RSRC1: variants seen among roughly 807,000 people sequenced by gnomAD.
RSRC1 encodes the protein arginine and serine rich coiled-coil 1.
In RSRC1, 39 loss-of-function variants were observed where a neutral mutation model predicts 49.1. The observed-to-expected ratio is 0.79, with a 90% CI of 0.61 to 1.04. The LOEUF (loss-of-function observed/expected upper bound fraction) is 1.04, where lower values mean the gene tolerates loss of function less well. Ranked by LOEUF, RSRC1 falls within the 50% of genes least tolerant of loss-of-function variation. The probability of loss-of-function intolerance (pLI) is 0.00; values close to 1 mark genes in which losing one functional copy is unlikely to be tolerated. For synonymous variants in RSRC1, 143 were observed against 130.8 expected (o/e 1.09, Z -0.63); for missense variants, 388 against 402.4 (o/e 0.96, Z 0.31).
At chr3:158,134,597 T>C (rs145173401) in intron 3 of RSRC1, among the ~76,000 whole-genome samples, 1 of 152,340 alleles carries the variant, frequency 6.6e-6, no homozygotes, top group African/African-American at 2.4e-5. Flanking sequence ...GGCTGTTATA[T>C]ACTGAATATT....
chr3:158,366,713 G>A (rs1435933505), intron 6 of RSRC1, among the ~76,000 whole-genome samples: 3 of 152,226 alleles, frequency 2.0e-5, no homozygotes, highest in Admixed American at 6.5e-5. Context: ...GATGGGGATA[G>A]CATTGAATCT....
intron 6 of RSRC1, among the ~76,000 whole-genome samples, chr3:158,371,197 T>C (rs1732054362): frequency 6.6e-6 from 1 of 151,910 alleles, no homozygotes; most frequent in Admixed American, 6.6e-5. Context: ...ATAAATATTT[T>C]CTCCCAGTCC....
chr3:158,453,180 G>C (rs1737137826), intron 6 of RSRC1, among the ~76,000 whole-genome samples: 1 of 151,666 alleles, frequency 6.6e-6, no homozygotes, highest in African/African-American at 2.4e-5. Flanking sequence ...AAATAGTGCT[G>C]TGCCTTGTGT....
At chr3:158,436,893 C>T (rs1332152566) in intron 6 of RSRC1, among the ~76,000 whole-genome samples, 1 of 151,824 alleles carries the variant, frequency 6.6e-6, no homozygotes, top group Non-Finnish European at 1.5e-5. Context: ...GATGAGTTAA[C>T]TAAGACACAG....
chr3:158,527,547 A>G (rs937827488), intron 7 of RSRC1, among the ~76,000 whole-genome samples: 2 of 151,920 alleles, frequency 1.3e-5, no homozygotes, highest in South Asian at 2.1e-4. Flanking sequence ...TAATAAACCA[A>G]TACATCCACT....
intron 4 of RSRC1, among the ~76,000 whole-genome samples, chr3:158,220,574 TGTTTAA>T (rs746802789): frequency 1.5e-4 from 23 of 151,674 alleles, no homozygotes; most frequent in Non-Finnish European, 2.8e-4. Context: ...CTCTATCATA[TGTTTAA>T]GTTTATTTTT....
intron 3 of RSRC1, among the ~76,000 whole-genome samples, chr3:158,143,892 T>C (rs762492211): frequency 6.6e-6 from 1 of 152,198 alleles, no homozygotes; most frequent in Non-Finnish European, 1.5e-5. Context: ...TGCTACTATG[T>C]TGGCTTTTAT....
intron 3 of RSRC1, among the ~76,000 whole-genome samples, chr3:158,142,664 C>A (rs765777293): frequency 8.5e-5 from 13 of 152,078 alleles, no homozygotes; most frequent in Non-Finnish European, 1.8e-4. Context: ...AAGTGTCACA[C>A]CCTTTTAAAC....
At chr3:158,198,265 T>C (rs1720769666) in intron 3 of RSRC1, among the ~76,000 whole-genome samples, 5 of 152,164 alleles carry the variant, frequency 3.3e-5, no homozygotes, top group African/African-American at 9.7e-5. Flanking sequence ...TGGTCTCTTT[T>C]GATTTGTGTT....
At chr3:158,145,159 G>T (rs1051989980) in intron 3 of RSRC1, among the ~76,000 whole-genome samples, 23 of 152,216 alleles carry the variant, frequency 1.5e-4, no homozygotes, top group African/African-American at 5.5e-4. Context: ...GTCAATTTTG[G>T]CTTTTGTTGC....
At chr3:158,312,744 C>T (rs1031055816) in intron 5 of RSRC1, among the ~76,000 whole-genome samples, 2 of 152,012 alleles carry the variant, frequency 1.3e-5, no homozygotes, top group African/African-American at 4.8e-5. Context: ...ACTGAAATAC[C>T]ATATCTTGCT....
chr3:158,232,537 A>G (rs1723025357), intron 4 of RSRC1, among the ~76,000 whole-genome samples: 1 of 152,178 alleles, frequency 6.6e-6, no homozygotes, highest in African/African-American at 2.4e-5. Flanking sequence ...TACGCTTTCT[A>G]TAAACAAGTA....
At chr3:158,188,482 C>G (rs1720050717) in intron 3 of RSRC1, among the ~76,000 whole-genome samples, 2 of 151,944 alleles carry the variant, frequency 1.3e-5, no homozygotes, top group African/African-American at 2.4e-5. Context: ...TTTACATTCC[C>G]TCTTCCTGCT....
chr3:158,501,219 G>C (rs1041124661), intron 7 of RSRC1, among the ~76,000 whole-genome samples: 3 of 152,132 alleles, frequency 2.0e-5, no homozygotes, highest in Non-Finnish European at 4.4e-5. Flanking sequence ...TGTGATCTGA[G>C]AGAATGCTTG....
intron 3 of RSRC1, among the ~76,000 whole-genome samples, chr3:158,166,248 A>G (rs1718525823): frequency 6.6e-6 from 1 of 152,160 alleles, no homozygotes; most frequent in South Asian, 2.1e-4. Flanking sequence ...TTGAATGTCA[A>G]TTTTAAATAG....
chr3:158,517,692 A>C (rs969035925), intron 7 of RSRC1, among the ~76,000 whole-genome samples: 3 of 148,048 alleles, frequency 2.0e-5, no homozygotes, highest in African/African-American at 7.5e-5. Context: ...TGCTGGACAC[A>C]AGTGATCCAC....
chr3:158,262,976 C>T (rs1476511280), intron 4 of RSRC1, among the ~76,000 whole-genome samples: 2 of 151,944 alleles, frequency 1.3e-5, no homozygotes, highest in Admixed American at 6.6e-5. Context: ...GCTCATGTTG[C>T]CTGTAATAAA....
At chr3:158,295,013 C>T (rs1040606454) in intron 4 of RSRC1, among the ~76,000 whole-genome samples, 1 of 152,136 alleles carries the variant, frequency 6.6e-6, no homozygotes, top group African/African-American at 2.4e-5. Flanking sequence ...TAATGCATAT[C>T]GCCAAGGAGT....
chr3:158,425,015 C>T (rs1427307499), intron 6 of RSRC1, among the ~76,000 whole-genome samples: 2 of 150,784 alleles, frequency 1.3e-5, no homozygotes, highest in Non-Finnish European at 3.0e-5. Flanking sequence ...TTTTGTTGAT[C>T]CTTTCAAAAA....
Sources: gnomAD v4.1 joint callset for allele counts (sites outside exome capture counted in the v4.1 genomes callset) on GRCh38, gnomAD v4.1.1 for gene constraint, MANE v1.5 for transcripts, NCBI Gene and HGNC (gene_info 2026-07-23, HGNC 2026-07-21) for gene names.